The following GFY variants were observed in gnomAD, a reference collection of about 807,000 sequenced individuals.
GFY encodes the protein golgi associated olfactory signaling regulator, also known as Golgi-associated olfactory signaling regulator.
In GFY, 28 loss-of-function variants were observed where a neutral mutation model predicts 29.1. The observed-to-expected ratio is 0.96, with a 90% confidence interval of 0.71 to 1.32. The LOEUF (loss-of-function observed/expected upper bound fraction) is 1.32, where lower values mean the gene tolerates loss of function less well. GFY is among the 40% of genes most tolerant of loss of function. The pLI is 0.00. For missense variants in GFY, 656 were observed against 661.9 expected (o/e 0.99, Z 0.10); for synonymous variants, 277 against 274.5 (o/e 1.01, Z -0.09).
At chr19:49,424,474 G>A (rs1975052955), upstream of GFY, among the ~76,000 whole-genome samples, 1 of 152,150 alleles carries the variant, frequency 6.6e-6, no homozygotes, top group South Asian at 2.1e-4. Context: ...TTGAACTCCT[G>A]ACCTTGTGAT....
In GFY at chr19:49,427,439, A is replaced by G; in HGVS notation, c.1009A>G (p.Asn337Asp). Reference sequence around the variant, plus strand: ...AATGGTTGAGCTGAAGGCCCCCCAGAACTCTGGCCCTAAGGAGTCCAACGT... The same window carrying G: ...AATGGTTGAGCTGAAGGCCCCCCAGGACTCTGGCCCTAAGGAGTCCAACGT... ...PGMVELKAPQ[N>D]SGPKESNVPP... Residue 337 changes from asparagine to aspartate, a missense_variant, in exon 2 of 4, where the codon AAC (asparagine) becomes GAC (aspartate). Coordinates refer to ENST00000610896, the MANE Select transcript of GFY (RefSeq NM_001195256.2). 1 of 1,535,760 alleles carries G rather than the reference A, an allele frequency of 6.5e-7. No individual in the cohort carries two copies. Among genetic ancestry groups the G allele is most frequent in the Non-Finnish European group, 8.7e-7 (1 of 1,146,658 alleles).
chr19:49,428,751 C>T lies in GFY; in HGVS notation c.1490C>T (p.Pro497Leu), dbSNP rs570247900. The change falls in exon 4 of 4, where the codon CCC (proline) becomes CTC (leucine). Residue 497 changes from proline (P) to leucine (L), a missense_variant. Pro to Leu is a moderately conservative substitution (Grantham distance 98). Transcript: ENST00000610896. ...CTGCCACCAAAGCTGCCCCCGCCGC[C>T]CCGCGGGGGTCGCCCGCAGCGTCTG... ...PPLPPKLPPP[P>L]RGGRPQRLEA... The T allele has an allele frequency of 2.0e-6, 3 of 1,516,282 alleles. No individual in the cohort carries two copies. The highest frequency in any genetic ancestry group is 2.8e-5 in the African/African-American group (2 of 72,064). The allele number at this position is 1,516,282 out of a possible 1,614,324, so 93.9% of individuals were successfully genotyped here.
rs922500714 is a variant in GFY, at chr19:49,428,904, C to T, written c.*86C>T. 4 of 906,698 alleles carry T rather than the reference C, an allele frequency of 4.4e-6. No homozygotes were observed. The highest frequency in any genetic ancestry group is 6.3e-6 in the Non-Finnish European group (4 of 633,746). 56.2% of individuals were successfully genotyped at this position (906,698 alleles called of 1,614,324 possible). On this transcript the variant is annotated 3_prime_UTR_variant, in exon 4 of 4. Coordinates refer to ENST00000610896, the MANE Select transcript of GFY (RefSeq NM_001195256.2). ...GGTATGCTTAGCTAGAGTAGTGCCC[C>T]GGATAAAGGGTCTAATATACAGAGA...
intron 1 of GFY, among the ~76,000 whole-genome samples, 155 bp downstream of exon 1, chr19:49,425,644 C>G (rs535368361): frequency 2.6e-5 from 4 of 152,138 alleles, no homozygotes; most frequent in Non-Finnish European, 5.9e-5. Context: ...GAGAGTCCTG[C>G]CCCAAAGCTC....
chr19:49,428,801 C>G lies in GFY; in HGVS notation c.1540C>G (p.Pro514Ala), dbSNP rs1312250942. 3.4e-6 allele frequency: 5 copies of G among 1,459,798 alleles called. No homozygotes were observed. Among genetic ancestry groups the G allele is most frequent in the Non-Finnish European group, 3.6e-6 (4 of 1,107,960 alleles). The allele number at this position is 1,459,798 out of a possible 1,614,324, so 90.4% of individuals were successfully genotyped here. ...GGAGGCCCTGTCCCCCGCCACGCTC[C>G]CCAACAACTTCGTGTGAGCCCCACC... ...RLEALSPATL[P>A]NNFV The change falls in exon 4 of 4, where the codon CCC becomes GCC. Residue 514 changes from proline (P) to alanine (A), a missense_variant. Pro to Ala is a conservative substitution (Grantham distance 27, BLOSUM62 -1). Coordinates refer to ENST00000610896, the MANE Select transcript of GFY (RefSeq NM_001195256.2).
chr19:49,428,010 G>T lies in GFY; in HGVS notation c.1248G>T (p.Gly416=). 2 of 1,535,976 alleles carry T rather than the reference G, an allele frequency of 1.3e-6. No individual in the cohort carries two copies. Among genetic ancestry groups the T allele is most frequent in the Non-Finnish European group, 1.7e-6 (2 of 1,146,740 alleles). Residue 416 remains glycine (G), a synonymous_variant, in exon 3 of 4, where the codon GGG becomes GGT. Transcript: ENST00000610896. ...AGGALCLFFA[G]TALLIGIFVL... ...GGGCCCTCTGCCTGTTCTTCGCGGG[G>T]ACCGCGCTGCTGATCGGCATCTTTG...
In GFY at chr19:49,426,735, C is replaced by T. The variant is rs1975077226; in HGVS notation, c.305C>T (p.Pro102Leu). The T allele has an allele frequency of 6.5e-7, 1 of 1,535,586 alleles. No individual in the cohort carries two copies. Among genetic ancestry groups the T allele is most frequent in the African/African-American group, 1.4e-5 (1 of 72,736 alleles). ...DLRETPHPES[P>L]ETPKADSLTT... The stretch of plus-strand genomic sequence containing the variant: ...CGAGAAACCCCGCACCCAGAGTCTC[C>T]TGAGACCCCCAAAGCTGACTCACTC... The change falls in exon 2 of 4, where the codon CCT (proline) becomes CTT (leucine). Residue 102 changes from proline (P) to leucine (L), a missense_variant. By Grantham distance (98) the Pro-to-Leu change is moderately conservative. Coordinates refer to ENST00000610896, the MANE Select transcript of GFY (RefSeq NM_001195256.2).
Position 49,428,181 on chromosome 19 carries a change from A to T in GFY, c.1357+62A>T, listed in dbSNP as rs971553713. 5.4e-6 allele frequency: 8 copies of T among 1,490,640 alleles called. No homozygotes were observed. In the Admixed American group the frequency reaches 1.3e-4, roughly 24 times the overall value. 92.3% of individuals were successfully genotyped at this position (1,490,640 alleles called of 1,614,324 possible). ...ATAACCTGGTCTCTCCCGGCACTAC[A>T]GGGCGCCAGCCAAAAAAGCACAGGT... On this transcript the variant is annotated intron_variant, in intron 3 of 3. Coordinates refer to ENST00000610896, the MANE Select transcript of GFY (RefSeq NM_001195256.2).
rs2078945636 is a variant in GFY, at chr19:49,428,854, C to T, written c.*36C>T. The T allele has an allele frequency of 3.7e-6, 5 of 1,357,520 alleles. No homozygotes were observed. Among genetic ancestry groups the T allele is most frequent in the Admixed American group, 3.0e-5 (1 of 33,194 alleles). The allele number at this position is 1,357,520 out of a possible 1,614,324, so 84.1% of individuals were successfully genotyped here. A position where few individuals can be genotyped will look rare whatever the true frequency, so the allele number is the denominator to read the frequency against. On this transcript the variant is annotated 3_prime_UTR_variant, in exon 4 of 4. Transcript: ENST00000610896. ...GTTCTGCCGGACCTGCACATCCCCA[C>T]AGTGAAGGAAAACCCTGCGCTTCTG...
chr19:49,428,027 G>C lies in GFY; in HGVS notation c.1265G>C (p.Gly422Ala), dbSNP rs1169867548. 32 of 1,535,896 alleles carry C rather than the reference G, an allele frequency of 2.1e-5. No homozygotes were observed. Among genetic ancestry groups the C allele is most frequent in the Non-Finnish European group, 2.6e-5 (30 of 1,146,774 alleles). ...TTCGCGGGGACCGCGCTGCTGATCG[G>C]CATCTTTGTGCTGCTGTGGTGTCTT... is the stretch of plus-strand genomic sequence containing the variant. ...LFFAGTALLI[G>A]IFVLLWCLYR... Residue 422 changes from glycine to alanine, a missense_variant, in exon 3 of 4, where the codon GGC becomes GCC. Physicochemically the swap from Gly to Ala is moderately conservative, Grantham distance 60. Coordinates refer to ENST00000610896, the MANE Select transcript of GFY (RefSeq NM_001195256.2).
chr19:49,427,387 A>G lies in GFY; in HGVS notation c.957A>G (p.Pro319=), dbSNP rs1364402864. Residue 319 remains proline (P), a synonymous_variant, in exon 2 of 4, where the codon CCA becomes CCG. Coordinates refer to ENST00000610896, the MANE Select transcript of GFY (RefSeq NM_001195256.2). ...GTPAAIQPDS[P]KLPTSDSPGM... is the part of the protein sequence containing the mutation. ...CTGCAGCCATCCAGCCCGACTCCCC[A>G]AAATTGCCCACTTCAGATTCTCCAG... The G allele has an allele frequency of 2.0e-6, 3 of 1,535,916 alleles. No homozygotes were observed.
chr19:49,425,504 G>C lies in GFY; in HGVS notation c.-22+15G>C, dbSNP rs972206515. Reference sequence around the variant, plus strand: ...CACCAGAGCAGGTAAGAGACCCCAGGACCTCAAGTAAGCCTGTCCCATCGA... The same window carrying C: ...CACCAGAGCAGGTAAGAGACCCCAGCACCTCAAGTAAGCCTGTCCCATCGA... On this transcript the variant is annotated intron_variant, in intron 1 of 3. Coordinates refer to ENST00000610896, the MANE Select transcript of GFY (RefSeq NM_001195256.2). 1 of 152,360 alleles carries C rather than the reference G, an allele frequency of 6.6e-6. No individual in the cohort carries two copies. Among genetic ancestry groups the C allele is most frequent in the African/African-American group, 2.4e-5 (1 of 41,398 alleles). 9.4% of individuals were successfully genotyped at this position (152,360 alleles called of 1,614,324 possible).
intron 2 of GFY, 131 bp from the exon 3 acceptor site, chr19:49,427,815 T>G: frequency 1.6e-6 from 2 of 1,216,324 alleles, no homozygotes; most frequent in Non-Finnish European, 2.2e-6. Flanking sequence ...GGGTCTGGAC[T>G]CCTGGGTCTG....
At chr19:49,424,705 G>T (rs1217241783), upstream of GFY, among the ~76,000 whole-genome samples, 2 of 152,078 alleles carry the variant, frequency 1.3e-5, no homozygotes, top group South Asian at 4.1e-4. Flanking sequence ...CATAAATTAG[G>T]TGTGGTGTAA....
chr19:49,428,218 G>T (rs891751027), intron 3 of GFY, 99 bp downstream of exon 3: 20 of 1,389,598 alleles, frequency 1.4e-5, no homozygotes, highest in Non-Finnish European at 1.9e-5. Flanking sequence ...CCCCACCCAA[G>T]GTCAATGAAA....
Position 49,428,767 on chromosome 19 carries a change from G to T in GFY, c.1506G>T (p.Pro502=), listed in dbSNP as rs765971957. The part of the protein sequence containing the change: ...KLPPPPRGGR[P]QRLEALSPAT... ...CCCCGCCGCCCCGCGGGGGTCGCCC[G>T]CAGCGTCTGGAGGCCCTGTCCCCCG... is the stretch of plus-strand genomic sequence containing the variant. Residue 502 remains proline, a synonymous_variant, in exon 4 of 4, where the codon CCG becomes CCT. Coordinates refer to ENST00000610896, the MANE Select transcript of GFY (RefSeq NM_001195256.2). 1.3e-4 allele frequency: 195 copies of T among 1,507,530 alleles called. 12 individuals are homozygous for T. The South Asian group carries it at 1.8e-3, about 14-fold the overall frequency. The allele number at this position is 1,507,530 out of a possible 1,614,324, so 93.4% of individuals were successfully genotyped here.
intron 1 of GFY, among the ~76,000 whole-genome samples, 160 bp downstream of exon 1, chr19:49,425,649 A>G (rs902242650): frequency 6.6e-6 from 1 of 151,722 alleles, no homozygotes; most frequent in Non-Finnish European, 1.5e-5. Flanking sequence ...TCCTGCCCCA[A>G]AGCTCTCTTC....
upstream of GFY, among the ~76,000 whole-genome samples, chr19:49,424,392 A>G (rs756552089): frequency 2.0e-5 from 3 of 152,040 alleles, no homozygotes; most frequent in Admixed American, 6.5e-5. Flanking sequence ...ACAGGTGCCC[A>G]CCATCACGCC....
At position 49,428,755 on chromosome 19, in the gene GFY, CG is replaced by C. The variant is rs2078945080; in HGVS notation, c.1499del (p.Gly500ValfsTer?). On this transcript the variant is annotated frameshift_variant, in exon 4 of 4. Transcript: ENST00000610896. LOFTEE classifies it high-confidence loss of function. ...CACCAAAGCTGCCCCCGCCGCCCCG[CG>C]GGGGTCGCCCGCAGCGTCTGGAGGC... ...LPPKLPPPPRGGRPQRLEALS... is the reference protein window; with the variant it reads ...LPPKLPPPPRXGRPQRLEALS... The C allele has an allele frequency of 2.7e-6, 4 of 1,507,590 alleles. No homozygotes were observed. In the South Asian group the frequency reaches 3.8e-5, roughly 14 times the overall value. The allele number at this position is 1,507,590 out of a possible 1,614,324, so 93.4% of individuals were successfully genotyped here.
Sources: gnomAD v4.1 joint callset for allele counts (sites outside exome capture counted in the v4.1 genomes callset) on GRCh38, gnomAD v4.1.1 for gene constraint, MANE v1.5 for transcripts, NCBI Gene and HGNC (gene_info 2026-07-23, HGNC 2026-07-21) for gene names.